LRRC52: variants seen among roughly 807,000 people sequenced by gnomAD.
LRRC52 encodes leucine-rich repeat-containing protein 52.
A neutral mutation model predicts 14.7 loss-of-function variants in LRRC52; 15 were observed. That is an observed-to-expected ratio of 1.02 (90% confidence interval 0.68 to 1.58). The LOEUF is 1.58. Ranked by LOEUF, LRRC52 falls within the 40% of genes most tolerant of loss-of-function variation. The pLI, the probability that LRRC52 is intolerant of heterozygous loss-of-function variation, is 0.00. For synonymous variants in LRRC52, 180 were observed against 163.9 expected, an observed-to-expected ratio of 1.10 and a Z score of -0.75; for missense variants, 400 against 387.7, an observed-to-expected ratio of 1.03 and a Z score of -0.27.
intron 1 of LRRC52, among the ~76,000 whole-genome samples, chr1:165,556,688 C>T (rs768847957): frequency 6.6e-6 from 1 of 152,214 alleles, no homozygotes; most frequent in Non-Finnish European, 1.5e-5. Context: ...TTTGCTGACC[C>T]CTGGCTTATG....
intron 1 of LRRC52, among the ~76,000 whole-genome samples, chr1:165,554,426 G>GGTTGTTGTTGTT (rs140256565): frequency 0.13 from 19,971 of 150,488 alleles, 1,438 homozygotes; most frequent in Non-Finnish European, 0.16. Flanking sequence ...AATGATAGGT[G>GGTTGTTGTTGTT]GTTGTTGTTG....
chr1:165,544,903 C>T lies in LRRC52; in HGVS notation c.607C>T (p.His203Tyr), dbSNP rs1046532446. 34 of 1,613,826 alleles carry T rather than the reference C, an allele frequency of 2.1e-5. No homozygotes were observed. The highest frequency in any genetic ancestry group is 2.8e-5 in the Non-Finnish European group (33 of 1,179,922). ...CTTCGCCATCTTCTTAATAGTGTTC[C>T]ATATGGACCCCTCAGGTGAGGGCTT... The part of the protein sequence containing the change: ...LDFAIFLIVF[H>Y]MDPSDDLNAT... The change falls in exon 1 of 2, where the codon CAT (histidine) becomes TAT (tyrosine). Residue 203 changes from histidine to tyrosine, a missense_variant. Transcript: ENST00000294818.
chr1:165,547,126 A>C (rs903503902), intron 1 of LRRC52, among the ~76,000 whole-genome samples: 4 of 152,070 alleles, frequency 2.6e-5, no homozygotes, highest in African/African-American at 9.7e-5. Context: ...TGGTATTTTT[A>C]ACCCTATCCT....
chr1:165,548,763 A>G (rs1295329211), intron 1 of LRRC52, among the ~76,000 whole-genome samples: 1 of 152,240 alleles, frequency 6.6e-6, no homozygotes, highest in Non-Finnish European at 1.5e-5. Context: ...AAATGAAATG[A>G]GAACATTTAT....
At chr1:165,552,524 G>A (rs1003792956) in intron 1 of LRRC52, among the ~76,000 whole-genome samples, 3 of 152,198 alleles carry the variant, frequency 2.0e-5, no homozygotes. Flanking sequence ...AGGCTAGGAA[G>A]GAAGCTCCCG....
At chr1:165,548,647 G>C (rs1215134482) in intron 1 of LRRC52, among the ~76,000 whole-genome samples, 1 of 152,206 alleles carries the variant, frequency 6.6e-6, no homozygotes, top group African/African-American at 2.4e-5. Flanking sequence ...CCCTGATGCT[G>C]ACTATCTGCA....
intron 1 of LRRC52, among the ~76,000 whole-genome samples, chr1:165,552,145 G>A (rs554803328): frequency 6.6e-6 from 1 of 152,192 alleles, no homozygotes; most frequent in Non-Finnish European, 1.5e-5. Context: ...GGAGCAGCAA[G>A]CATGGGACAT....
intron 1 of LRRC52, among the ~76,000 whole-genome samples, chr1:165,558,232 T>C (rs1365920397): frequency 6.6e-6 from 1 of 152,230 alleles, no homozygotes; most frequent in Non-Finnish European, 1.5e-5. Flanking sequence ...TAGGAACTAT[T>C]TGCAATAAGA....
chr1:165,550,841 T>G (rs544182528), intron 1 of LRRC52, among the ~76,000 whole-genome samples: 1 of 152,334 alleles, frequency 6.6e-6, no homozygotes, highest in East Asian at 1.9e-4. Flanking sequence ...AGCCCTGTCT[T>G]GATCCCAGAA....
intron 1 of LRRC52, among the ~76,000 whole-genome samples, chr1:165,557,644 C>CA (rs1315543168): frequency 7.2e-5 from 11 of 151,798 alleles, no homozygotes; most frequent in African/African-American, 2.2e-4. Context: ...ATTTAGCTTG[C>CA]AAAAAAATGG....
intron 1 of LRRC52, among the ~76,000 whole-genome samples, chr1:165,561,773 A>G (rs722260): frequency 0.24 from 36,042 of 152,198 alleles, 4,593 homozygotes; most frequent in African/African-American, 0.33. Context: ...CACACTGCAC[A>G]CCATCTTCCT....
intron 1 of LRRC52, among the ~76,000 whole-genome samples, chr1:165,548,481 G>A (rs1034440594): frequency 2.0e-5 from 3 of 152,152 alleles, no homozygotes; most frequent in African/African-American, 7.2e-5. Flanking sequence ...AACAAAACAG[G>A]GCAGGACAAA....
chr1:165,558,924 C>G (rs1308448928), intron 1 of LRRC52, among the ~76,000 whole-genome samples: 3 of 152,088 alleles, frequency 2.0e-5, no homozygotes, highest in Non-Finnish European at 4.4e-5. Flanking sequence ...AATGCAAACA[C>G]TAACCAAAAG....
rs1310291350 is a variant in LRRC52, at chr1:165,544,454, T to C, written c.158T>C (p.Leu53Pro). Residue 53 changes from leucine to proline, a missense_variant, in exon 1 of 2, where the codon CTG (leucine) becomes CCG (proline). Coordinates refer to ENST00000294818, the MANE Select transcript of LRRC52 (RefSeq NM_001005214.4). Reference protein sequence around the residue: ...QLTEYPLDIPLNTRRLFLNEN... With the variant: ...QLTEYPLDIPPNTRRLFLNEN... ...ACCGAATACCCCCTTGACATACCCC[T>C]GAACACCCGGAGGCTGTTCCTGAAC... 3.1e-6 allele frequency: 5 copies of C among 1,614,064 alleles called. No homozygotes were observed. Among genetic ancestry groups the C allele is most frequent in the Non-Finnish European group, 4.2e-6 (5 of 1,180,040 alleles).
In LRRC52 at chr1:165,544,022, G is replaced by A. The variant is rs1029191945; in HGVS notation, c.-275G>A. 10 of 478,934 alleles carry A rather than the reference G, an allele frequency of 2.1e-5. No homozygotes were observed. In the Admixed American group the frequency reaches 2.8e-4, roughly 13 times the overall value. The allele number at this position is 478,934 out of a possible 1,614,324, so 29.7% of individuals were successfully genotyped here. A position where few individuals can be genotyped will look rare whatever the true frequency, so the allele number is the denominator to read the frequency against. ...GCTCCCCTTCACTTGCAAACGCAGG[G>A]AAAGGGTGAGACCTTTCAAAGCTGC... is the stretch of plus-strand genomic sequence containing the variant. On this transcript the variant is annotated 5_prime_UTR_variant, in exon 1 of 2. Coordinates refer to ENST00000294818, the MANE Select transcript of LRRC52 (RefSeq NM_001005214.4).
intron 1 of LRRC52, among the ~76,000 whole-genome samples, chr1:165,552,201 A>T (rs921138751): frequency 2.6e-5 from 4 of 152,162 alleles, no homozygotes; most frequent in African/African-American, 9.7e-5. Context: ...ACTCAGGCCA[A>T]TTGGGATCCC....
chr1:165,554,888 C>G (rs762766073), intron 1 of LRRC52, among the ~76,000 whole-genome samples: 6 of 152,242 alleles, frequency 3.9e-5, no homozygotes, highest in Non-Finnish European at 5.9e-5. Flanking sequence ...TTTCTTCTAA[C>G]AGCCAAGATG....
At chr1:165,553,151 G>T (rs1661168319) in intron 1 of LRRC52, among the ~76,000 whole-genome samples, 1 of 152,200 alleles carries the variant, frequency 6.6e-6, no homozygotes. Flanking sequence ...AGAGTTTCAA[G>T]TGAGGATAAT....
At chr1:165,560,193 T>C (rs758579552) in intron 1 of LRRC52, among the ~76,000 whole-genome samples, 2 of 152,238 alleles carry the variant, frequency 1.3e-5, no homozygotes, top group African/African-American at 2.4e-5. Context: ...GAAATAATGT[T>C]GTTAGAGGAT....
Sources: gnomAD v4.1 joint callset for allele counts (sites outside exome capture counted in the v4.1 genomes callset) on GRCh38, gnomAD v4.1.1 for gene constraint, MANE v1.5 for transcripts, NCBI Gene and HGNC (gene_info 2026-07-23, HGNC 2026-07-21) for gene names.